The following B3GALT1 variants were observed in gnomAD, a reference collection of about 807,000 sequenced individuals.
B3GALT1 encodes beta-1,3-galactosyltransferase 1, also known as UDP-Gal:betaGlcNAc beta 1,3-galactosyltransferase, polypeptide 1.
Under a neutral mutation model 23.2 loss-of-function variants are expected in B3GALT1, and 10 were observed. That is an observed-to-expected ratio of 0.43 (90% CI 0.27 to 0.73). The LOEUF (loss-of-function observed/expected upper bound fraction) is 0.73. B3GALT1 is among the 30% of genes least tolerant of loss of function. The probability of loss-of-function intolerance (pLI) is 0.21; values close to 1 mark genes in which losing one functional copy is unlikely to be tolerated. For synonymous variants in B3GALT1, 156 were observed against 141.5 expected (o/e 1.10, Z -0.73); for missense variants, 299 against 405.4 (o/e 0.74, Z 2.25).
chr2:167,437,003 A>G (rs1559096112), intron 1 of B3GALT1, among the ~76,000 whole-genome samples: 1 of 152,178 alleles, frequency 6.6e-6, no homozygotes, highest in South Asian at 2.1e-4. Flanking sequence ...TTCTTGTGGC[A>G]TTATGGAGAA....
At chr2:167,664,627 T>C (rs922053082) in intron 3 of B3GALT1, among the ~76,000 whole-genome samples, 3 of 152,204 alleles carry the variant, frequency 2.0e-5, no homozygotes, top group South Asian at 2.1e-4. Flanking sequence ...TTGTATCCTC[T>C]TTTATTTCCT....
chr2:167,661,652 TG>T (rs1289266245), intron 3 of B3GALT1, among the ~76,000 whole-genome samples: 1 of 152,068 alleles, frequency 6.6e-6, no homozygotes, highest in Non-Finnish European at 1.5e-5. Flanking sequence ...TAATGTCCCC[TG>T]GGGCACAAAA....
At chr2:167,564,861 A>G (rs1232351501) in intron 2 of B3GALT1, among the ~76,000 whole-genome samples, 1 of 152,254 alleles carries the variant, frequency 6.6e-6, no homozygotes, top group Non-Finnish European at 1.5e-5. Context: ...AAAAGAGGAT[A>G]CAAACAAATG....
At chr2:167,795,362 A>T (rs2441371) in intron 3 of B3GALT1, among the ~76,000 whole-genome samples, 12 of 152,144 alleles carry the variant, frequency 7.9e-5, no homozygotes, top group African/African-American at 2.6e-4. Context: ...TGAAAATTTT[A>T]ATTGGGAAAA....
chr2:167,561,550 G>T (rs374758469), intron 2 of B3GALT1, among the ~76,000 whole-genome samples: 4,107 of 152,160 alleles, frequency 0.027, 96 homozygotes, highest in Middle Eastern at 0.11. Flanking sequence ...AAAATTGATA[G>T]ACCGCTAGCA....
intron 2 of B3GALT1, among the ~76,000 whole-genome samples, chr2:167,634,280 A>G (rs549115357): frequency 1.7e-4 from 26 of 152,158 alleles, no homozygotes; most frequent in Non-Finnish European, 3.5e-4. Flanking sequence ...TAACATCACA[A>G]TTACAAGAAC....
intron 3 of B3GALT1, among the ~76,000 whole-genome samples, chr2:167,711,900 G>A (rs1325130050): frequency 6.6e-6 from 1 of 152,150 alleles, no homozygotes; most frequent in Non-Finnish European, 1.5e-5. Flanking sequence ...CTGGGGAGGT[G>A]GAGGTTGCAG....
intron 1 of B3GALT1, among the ~76,000 whole-genome samples, chr2:167,386,792 CTT>C (rs773903426): frequency 2.0e-4 from 31 of 152,184 alleles, no homozygotes; most frequent in South Asian, 6.2e-4. Flanking sequence ...TTAGAGAAGT[CTT>C]TAGCCAATCT....
intron 1 of B3GALT1, among the ~76,000 whole-genome samples, chr2:167,399,617 T>C (rs1363288677): frequency 6.6e-6 from 1 of 152,090 alleles, no homozygotes; most frequent in Non-Finnish European, 1.5e-5. Context: ...AAGCAGCATA[T>C]TCCTTTACCT....
At chr2:167,557,918 C>T (rs1055246188) in intron 2 of B3GALT1, among the ~76,000 whole-genome samples, 2 of 152,196 alleles carry the variant, frequency 1.3e-5, no homozygotes, top group African/African-American at 4.8e-5. Context: ...TGTGAGATTT[C>T]ATCTACATTG....
intron 3 of B3GALT1, among the ~76,000 whole-genome samples, chr2:167,785,167 T>A (rs1688320366): frequency 1.3e-5 from 2 of 152,136 alleles, no homozygotes; most frequent in African/African-American, 4.8e-5. Context: ...AATCAAGATA[T>A]AAATCAAGGC....
intron 2 of B3GALT1, among the ~76,000 whole-genome samples, chr2:167,508,112 C>G (rs1231728289): frequency 6.6e-6 from 1 of 152,288 alleles, no homozygotes; most frequent in Non-Finnish European, 1.5e-5. Flanking sequence ...CTCTAATTCA[C>G]TTTCAAAGCT....
rs1020906372 is a variant in B3GALT1, at chr2:167,396,611, T to C, written c.-510-93566T>C. 7.9e-5 allele frequency among the ~76,000 whole-genome samples: 12 copies of C among 151,378 alleles called. No homozygotes were observed. The East Asian group carries it at 2.1e-3, about 27-fold the overall frequency. ...GGAAAGGTTTATAATATATAAATTA[T>C]ATTTATTTTTGAATTTGAAACAATA... On this transcript the variant is annotated intron_variant, in intron 1 of 4. Coordinates refer to ENST00000392690, the MANE Select transcript of B3GALT1 (RefSeq NM_020981.4).
At chr2:167,529,021 A>G (rs1683272267) in intron 2 of B3GALT1, among the ~76,000 whole-genome samples, 1 of 152,048 alleles carries the variant, frequency 6.6e-6, no homozygotes, top group Non-Finnish European at 1.5e-5. Context: ...CTATCACTCC[A>G]TTGAAATGCT....
At chr2:167,525,640 G>A (rs1468107179) in intron 2 of B3GALT1, among the ~76,000 whole-genome samples, 1 of 151,308 alleles carries the variant, frequency 6.6e-6, no homozygotes, top group Admixed American at 6.6e-5. Context: ...TTTTTTATTT[G>A]TATTTATTTT....
chr2:167,325,256 A>G (rs1696875321), intron 1 of B3GALT1, among the ~76,000 whole-genome samples: 1 of 151,588 alleles, frequency 6.6e-6, no homozygotes, highest in Non-Finnish European at 1.5e-5. Flanking sequence ...TTGTTCTTGC[A>G]TTGCTATGGA....
At chr2:167,372,947 A>G (rs952013122) in intron 1 of B3GALT1, among the ~76,000 whole-genome samples, 2 of 152,004 alleles carry the variant, frequency 1.3e-5, no homozygotes, top group Admixed American at 6.6e-5. Context: ...ACCCTAAAAG[A>G]CTTTGTGGAA....
chr2:167,688,852 C>T lies in B3GALT1; in HGVS notation c.-352+41886C>T, dbSNP rs575327752. ...GATAGGCCTAAAGAAATTCATAACA[C>T]TGTAGTCAGCATCCACAAGTTTATA... On this transcript the variant is annotated intron_variant, in intron 3 of 4. Coordinates refer to ENST00000392690, the MANE Select transcript of B3GALT1 (RefSeq NM_020981.4). 9.8e-4 allele frequency among the ~76,000 whole-genome samples: 149 copies of T among 152,166 alleles called. 1 individual carries two copies. Among genetic ancestry groups the T allele is most frequent in the African/African-American group, 3.5e-3 (145 of 41,538 alleles).
At chr2:167,674,418 T>G (rs184147048) in intron 3 of B3GALT1, among the ~76,000 whole-genome samples, 2 of 152,320 alleles carry the variant, frequency 1.3e-5, no homozygotes, top group Admixed American at 6.5e-5. Context: ...TTGTTTCATG[T>G]AAGCAAGATA....
Sources: allele counts gnomAD v4.1 joint callset (sites outside exome capture counted in the v4.1 genomes callset), GRCh38; gene constraint gnomAD v4.1.1; transcripts MANE v1.5; gene names NCBI Gene and HGNC (gene_info 2026-07-23, HGNC 2026-07-21).